The following GABRG1 variants were observed in gnomAD, a reference collection of about 807,000 sequenced individuals.
GABRG1 encodes the protein gamma-aminobutyric acid type A receptor subunit gamma1.
A neutral mutation model predicts 49.8 loss-of-function variants in GABRG1; 49 were observed. That is an observed-to-expected ratio of 0.98 (90% CI 0.78 to 1.25). The LOEUF is 1.25. Ranked by LOEUF, GABRG1 falls within the 50% of genes most tolerant of loss-of-function variation. The pLI is 0.00. For missense variants in GABRG1, 552 were observed against 552.3 expected, an observed-to-expected ratio of 1.00 and a Z score of 0.01; for synonymous variants, 232 against 185.1, an observed-to-expected ratio of 1.25 and a Z score of -2.06.
chr4:46,080,066 A>C (rs994302730), intron 3 of GABRG1, among the ~76,000 whole-genome samples: 2 of 151,918 alleles, frequency 1.3e-5, no homozygotes, highest in African/African-American at 4.8e-5. Flanking sequence ...GACTGTAAAA[A>C]GAAAAGCATA....
At chr4:46,103,287 AGGCCATT>A (rs780729964) in intron 1 of GABRG1, among the ~76,000 whole-genome samples, 2 of 151,112 alleles carry the variant, frequency 1.3e-5, no homozygotes, top group East Asian at 2.0e-4. Context: ...TTGATTGATG[AGGCCATT>A]TACATACTTC....
chr4:46,102,432 C>T (rs1030245892), intron 1 of GABRG1, among the ~76,000 whole-genome samples: 10 of 151,654 alleles, frequency 6.6e-5, no homozygotes, highest in South Asian at 4.1e-4. Flanking sequence ...GGGTATTGCA[C>T]TCAGATTCTT....
chr4:46,087,441 A>AT (rs1023963819), intron 2 of GABRG1, among the ~76,000 whole-genome samples: 10 of 151,750 alleles, frequency 6.6e-5, no homozygotes, highest in African/African-American at 2.2e-4. Flanking sequence ...GAAGTCATTA[A>AT]TAAAAAAGAT....
intron 1 of GABRG1, among the ~76,000 whole-genome samples, chr4:46,110,999 A>G (rs1444805478): frequency 6.6e-6 from 1 of 151,126 alleles, no homozygotes; most frequent in Non-Finnish European, 1.5e-5. Flanking sequence ...TGCTAGCCAG[A>G]GCAATATGGC....
At chr4:46,108,372 A>G (rs1445351174) in intron 1 of GABRG1, among the ~76,000 whole-genome samples, 1 of 151,142 alleles carries the variant, frequency 6.6e-6, no homozygotes, top group African/African-American at 2.4e-5. Flanking sequence ...CACTTGAACT[A>G]GAAATTGATT....
At chr4:46,110,975 C>G (rs73146809) in intron 1 of GABRG1, among the ~76,000 whole-genome samples, 2 of 151,018 alleles carry the variant, frequency 1.3e-5, no homozygotes, top group African/African-American at 2.4e-5. Flanking sequence ...TCCTATTCAA[C>G]GTAAGACTAG....
intron 3 of GABRG1, among the ~76,000 whole-genome samples, chr4:46,075,376 A>G (rs1194429704): frequency 6.6e-6 from 1 of 152,036 alleles, no homozygotes; most frequent in Non-Finnish European, 1.5e-5. Flanking sequence ...ATTTTAAAAA[A>G]TTAGAGGCAA....
intron 1 of GABRG1, among the ~76,000 whole-genome samples, chr4:46,122,027 A>T (rs2109449899): frequency 6.6e-6 from 1 of 152,206 alleles, no homozygotes. Flanking sequence ...AACTCTTAAG[A>T]AATCATATGT....
At chr4:46,119,513 C>T (rs374510938) in intron 1 of GABRG1, among the ~76,000 whole-genome samples, 45 of 151,366 alleles carry the variant, frequency 3.0e-4, no homozygotes, top group Non-Finnish European at 3.6e-4. Flanking sequence ...ATAACAATAT[C>T]GAGGCTATAT....
chr4:46,056,853 G>A (rs930424105), intron 7 of GABRG1, among the ~76,000 whole-genome samples: 1 of 152,024 alleles, frequency 6.6e-6, no homozygotes, highest in Non-Finnish European at 1.5e-5. Context: ...AGTTACATCT[G>A]GCTGTGCTTA....
chr4:46,049,095 G>T (rs1718115485), intron 8 of GABRG1, among the ~76,000 whole-genome samples: 1 of 151,682 alleles, frequency 6.6e-6, no homozygotes, highest in Non-Finnish European at 1.5e-5. Context: ...TTTTAATAAA[G>T]AAATGGGGAG....
intron 1 of GABRG1, among the ~76,000 whole-genome samples, chr4:46,117,278 T>C (rs1720926726): frequency 6.6e-6 from 1 of 150,620 alleles, no homozygotes; most frequent in African/African-American, 2.4e-5. Context: ...GCACAATCTC[T>C]ATTACTTTTT....
intron 1 of GABRG1, among the ~76,000 whole-genome samples, chr4:46,098,591 A>G (rs1325559838): frequency 1.3e-5 from 2 of 151,824 alleles, no homozygotes; most frequent in South Asian, 2.1e-4. Context: ...TGAATTGCTA[A>G]GAAATACATC....
In GABRG1 at chr4:46,036,216, A is replaced by C. The variant is rs1717518018; in HGVS notation, c.*4772T>G. 6.6e-6 allele frequency: 1 copy of C among 151,778 alleles called. No homozygotes were observed. Among genetic ancestry groups the C allele is most frequent in the Non-Finnish European group, 1.5e-5 (1 of 67,828 alleles). 9.4% of individuals were successfully genotyped at this position (151,778 alleles called of 1,614,324 possible). On this transcript the variant is annotated 3_prime_UTR_variant, in exon 9 of 9. Coordinates refer to ENST00000295452, the MANE Select transcript of GABRG1 (RefSeq NM_173536.4). ...AGAAATTGTTTGAGGAACAGAAATC[A>C]ACTTTCTGGATTTGTCTACACACAG...
chr4:46,037,878 T>G lies in GABRG1; in HGVS notation c.*3110A>C, dbSNP rs1032922883. 6.6e-6 allele frequency: 1 copy of G among 151,842 alleles called. No individual in the cohort carries two copies. The highest frequency in any genetic ancestry group is 2.1e-4 in the South Asian group (1 of 4,826). The allele number at this position is 151,842 out of a possible 1,614,324, so 9.4% of individuals were successfully genotyped here. A position where few individuals can be genotyped will look rare whatever the true frequency, so the allele number is the denominator to read the frequency against. On this transcript the variant is annotated 3_prime_UTR_variant, in exon 9 of 9. Transcript: ENST00000295452. ...GGTGTGAGAGAACTGTAGCCTATTC[T>G]TTTTTATGCTGAATTGGCATGAATG...
chr4:46,072,100 C>T (rs1160640534), intron 3 of GABRG1, among the ~76,000 whole-genome samples: 5 of 151,854 alleles, frequency 3.3e-5, no homozygotes, highest in Admixed American at 2.0e-4. Flanking sequence ...CTGTATTTTT[C>T]TATGTTTAGG....
rs1000037817 is a variant in GABRG1, at chr4:46,036,788, A to C, written c.*4200T>G. On this transcript the variant is annotated 3_prime_UTR_variant, in exon 9 of 9. Coordinates refer to ENST00000295452, the MANE Select transcript of GABRG1 (RefSeq NM_173536.4). ...CACACAAATAAGATGAAACTTCTGC[A>C]GAAATTTTAATAATGTATCTTTTGT... is the stretch of plus-strand genomic sequence containing the variant. 4 of 152,054 alleles carry C rather than the reference A, an allele frequency of 2.6e-5. No homozygotes were observed. The highest frequency in any genetic ancestry group is 9.7e-5 in the African/African-American group (4 of 41,450). The allele number at this position is 152,054 out of a possible 1,614,324, so 9.4% of individuals were successfully genotyped here. A position where few individuals can be genotyped will look rare whatever the true frequency, so the allele number is the denominator to read the frequency against.
intron 1 of GABRG1, among the ~76,000 whole-genome samples, chr4:46,118,635 C>G (rs1227985192): frequency 1.3e-5 from 2 of 150,782 alleles, no homozygotes; most frequent in Non-Finnish European, 3.0e-5. Flanking sequence ...TATCTAGTTT[C>G]CAGAACCCTG....
At chr4:46,086,052 CT>C (rs1035749279) in intron 2 of GABRG1, among the ~76,000 whole-genome samples, 1 of 151,522 alleles carries the variant, frequency 6.6e-6, no homozygotes, top group African/African-American at 2.4e-5. Context: ...AAACCATGTA[CT>C]GCCATGGCAA....
Sources: allele counts gnomAD v4.1 joint callset (sites outside exome capture counted in the v4.1 genomes callset), GRCh38; gene constraint gnomAD v4.1.1; transcripts MANE v1.5; gene names NCBI Gene and HGNC (gene_info 2026-07-23, HGNC 2026-07-21).